Variants in SYNPO2 observed in about 807,000 individuals in gnomAD.
SYNPO2 encodes the protein synaptopodin 2.
SYNPO2 carries 56 observed loss-of-function variants against 85.0 expected under a neutral mutation model. That is an observed-to-expected ratio of 0.66 (90% CI 0.53 to 0.82). The LOEUF is 0.82. SYNPO2 is among the 40% of genes least tolerant of loss of function. The probability of loss-of-function intolerance (pLI) is 0.00; values close to 1 mark genes in which losing one functional copy is unlikely to be tolerated. For synonymous variants in SYNPO2, 602 were observed against 591.1 expected (o/e 1.02, Z -0.27); for missense variants, 1,575 against 1,534.2 (o/e 1.03, Z -0.44).
intron 4 of SYNPO2, among the ~76,000 whole-genome samples, chr4:119,048,621 T>A (rs1245991103): frequency 1.3e-5 from 2 of 152,110 alleles, no homozygotes; most frequent in African/African-American, 4.8e-5. Context: ...AATATTTGAG[T>A]AAGTCCTGAA....
chr4:118,996,267 C>T (rs919520317), intron 1 of SYNPO2, among the ~76,000 whole-genome samples: 1 of 152,152 alleles, frequency 6.6e-6, no homozygotes, highest in Non-Finnish European at 1.5e-5. Context: ...TGAAGTTTTA[C>T]TCATCTCCCA....
chr4:118,989,688 T>C (rs137902815), intron 1 of SYNPO2, among the ~76,000 whole-genome samples: 1 of 152,346 alleles, frequency 6.6e-6, no homozygotes, highest in Non-Finnish European at 1.5e-5. Flanking sequence ...GATAGAAATA[T>C]CCTGTGAAGC....
chr4:118,921,327 C>T (rs775049903), intron 1 of SYNPO2, among the ~76,000 whole-genome samples: 1 of 152,186 alleles, frequency 6.6e-6, no homozygotes, highest in African/African-American at 2.4e-5. Flanking sequence ...ATAAGTACTA[C>T]TACCATCATT....
chr4:118,888,829 C>T (rs1732260699), upstream of SYNPO2: 4 of 594,200 alleles, frequency 6.7e-6, no homozygotes, highest in African/African-American at 1.9e-5. Context: ...GCGCCTCTGC[C>T]TCCTTGAGAA....
chr4:118,905,436 G>T (rs1369912171), intron 1 of SYNPO2, among the ~76,000 whole-genome samples: 1 of 95,274 alleles, frequency 1.0e-5, no homozygotes, highest in African/African-American at 2.9e-5. Flanking sequence ...CCTGATGTGT[G>T]TGTGTGCGTG....
intron 1 of SYNPO2, among the ~76,000 whole-genome samples, chr4:118,860,674 G>T (rs898472097): frequency 2.0e-5 from 3 of 150,138 alleles, no homozygotes; most frequent in African/African-American, 7.4e-5. Context: ...CCCTGCTTCA[G>T]CCACCCTAGT....
At chr4:119,026,433 A>G (rs193019158) in intron 2 of SYNPO2, among the ~76,000 whole-genome samples, 194 bp from the exon 3 acceptor site, 103 of 152,328 alleles carry the variant, frequency 6.8e-4, no homozygotes, top group Admixed American at 1.4e-3. Context: ...CTTTTAAAAA[A>G]GTTTATTTGG....
chr4:118,910,038 A>G (rs12506322), intron 1 of SYNPO2, among the ~76,000 whole-genome samples: 127,798 of 152,192 alleles, frequency 0.84, 53,902 homozygotes, highest in Middle Eastern at 0.94. Context: ...TCCAACGTCT[A>G]TTTTACTATG....
At chr4:118,879,572 C>T (rs1254108108) in intron 1 of SYNPO2, among the ~76,000 whole-genome samples, 2 of 152,212 alleles carry the variant, frequency 1.3e-5, no homozygotes, top group African/African-American at 4.8e-5. Flanking sequence ...GTGGACCTAG[C>T]AGCCCTTTGA....
intron 1 of SYNPO2, among the ~76,000 whole-genome samples, chr4:118,946,867 T>TC (rs1362195890): frequency 6.6e-6 from 1 of 152,208 alleles, no homozygotes; most frequent in Non-Finnish European, 1.5e-5. Flanking sequence ...AAAGGTTTTT[T>TC]CCCTGTAGAA....
chr4:118,871,266 T>C (rs1020850302), intron 1 of SYNPO2, among the ~76,000 whole-genome samples: 1 of 151,874 alleles, frequency 6.6e-6, no homozygotes, highest in African/African-American at 2.4e-5. Flanking sequence ...ATTTTTCTTT[T>C]CTTTATTTCT....
chr4:119,057,860 A>G lies in SYNPO2; in HGVS notation c.3712A>G (p.Arg1238Gly). ...TTCTGCAATCATGTCCATGGAAACC[A>G]GGTCTGATTACTGTCTTCCAGTAGC... ...NDSAIMSMET[R>G]SDYCLPVADY... The change falls in exon 5 of 5, where the codon AGG becomes GGG. Residue 1238 changes from arginine (R) to glycine (G), a missense_variant. Arg to Gly is a moderately radical substitution (Grantham distance 125, BLOSUM62 -2). Coordinates refer to ENST00000307142, the MANE Select transcript of SYNPO2 (RefSeq NM_133477.3). The G allele has an allele frequency of 1.9e-6, 3 of 1,614,116 alleles. No individual in the cohort carries two copies. The highest frequency in any genetic ancestry group is 2.5e-6 in the Non-Finnish European group (3 of 1,180,018).
chr4:119,011,957 C>G (rs931858223), intron 1 of SYNPO2, among the ~76,000 whole-genome samples: 4 of 131,154 alleles, frequency 3.0e-5, no homozygotes, highest in Non-Finnish European at 6.2e-5. Flanking sequence ...GAGTCTCACT[C>G]TATCACCCAG....
At position 118,927,743 on chromosome 4, in the gene SYNPO2, G is replaced by T. The variant is rs528413335; in HGVS notation, c.105+38602G>T. Reference sequence around the variant, plus strand: ...AGATAGATAGATAGATAGATAGATAGATAGATGATAGATAGATATATAGAT... The same window carrying T: ...AGATAGATAGATAGATAGATAGATATATAGATGATAGATAGATATATAGAT... On this transcript the variant is annotated intron_variant, in intron 1 of 4. Transcript: ENST00000307142. Among the ~76,000 whole-genome samples the T allele has an allele frequency of 7.9e-3, 1,074 of 135,832 alleles. 5 individuals carry two copies. Among genetic ancestry groups the T allele is most frequent in the African/African-American group, 0.017 (596 of 35,700 alleles). 89.1% of individuals were successfully genotyped at this position (135,832 alleles called of 152,430 possible).
At chr4:118,995,054 C>T (rs1367194640) in intron 1 of SYNPO2, among the ~76,000 whole-genome samples, 1 of 152,128 alleles carries the variant, frequency 6.6e-6, no homozygotes, top group Non-Finnish European at 1.5e-5. Context: ...CTTTTAGACT[C>T]CTTGAATGTA....
intron 1 of SYNPO2, among the ~76,000 whole-genome samples, chr4:119,021,721 A>G (rs1437626731): frequency 1.3e-5 from 2 of 152,228 alleles, no homozygotes; most frequent in Non-Finnish European, 1.5e-5. Flanking sequence ...CCAGAAATCC[A>G]GAGATTGAGA....
At chr4:119,024,268 A>G (rs1737851358) in intron 2 of SYNPO2, among the ~76,000 whole-genome samples, 1 of 152,254 alleles carries the variant, frequency 6.6e-6, no homozygotes, top group Non-Finnish European at 1.5e-5. Flanking sequence ...TGACATTTTT[A>G]TGGTGTACAA....
At chr4:118,875,919 T>C (rs186234191) in intron 1 of SYNPO2, among the ~76,000 whole-genome samples, 121 of 152,348 alleles carry the variant, frequency 7.9e-4, no homozygotes, top group African/African-American at 2.9e-3. Context: ...ACCACATACA[T>C]ATATTCCACT....
At chr4:118,897,733 G>C (rs189243971) in intron 1 of SYNPO2, among the ~76,000 whole-genome samples, 1 of 152,264 alleles carries the variant, frequency 6.6e-6, no homozygotes, top group African/African-American at 2.4e-5. Context: ...GGTCACATGG[G>C]TATGTATGAT....
Sources: gnomAD v4.1 joint callset for allele counts (sites outside exome capture counted in the v4.1 genomes callset) on GRCh38, gnomAD v4.1.1 for gene constraint, MANE v1.5 for transcripts, NCBI Gene and HGNC (gene_info 2026-07-23, HGNC 2026-07-21) for gene names.